EYS: variants seen among roughly 807,000 people sequenced by gnomAD.
EYS encodes the protein protein eyes shut homolog.
A neutral mutation model predicts 282.1 loss-of-function variants in EYS; 250 were observed. That is an observed-to-expected ratio of 0.89 (90% CI 0.80 to 0.98). EYS has a LOEUF of 0.98. Among genes scored for constraint, EYS ranks in the 50% least tolerant of loss-of-function variants. The probability of loss-of-function intolerance (pLI) is 0.00; values close to 1 mark genes in which losing one functional copy is unlikely to be tolerated. For synonymous variants in EYS, 1,355 were observed against 1,282.9 expected (o/e 1.06, Z -1.20); for missense variants, 4,016 against 3,709.0 (o/e 1.08, Z -2.15).
At chr6:64,747,847 CAA>C (rs1358684572) in intron 22 of EYS, among the ~76,000 whole-genome samples, 2 of 152,142 alleles carry the variant, frequency 1.3e-5, no homozygotes, top group African/African-American at 4.8e-5. Context: ...TTATCTTTTA[CAA>C]AGTCTCTCAA....
intron 30 of EYS, among the ~76,000 whole-genome samples, chr6:64,246,231 G>A (rs990477204): frequency 1.3e-5 from 2 of 150,226 alleles, no homozygotes; most frequent in East Asian, 3.9e-4. Context: ...TGTTTTATCG[G>A]CTGTAAGAAT....
intron 21 of EYS, among the ~76,000 whole-genome samples, chr6:64,818,281 G>A (rs747936089): frequency 4.6e-5 from 7 of 152,078 alleles, no homozygotes; most frequent in Non-Finnish European, 8.8e-5. Context: ...CATGGCATAT[G>A]TTCTCTCCCC....
intron 28 of EYS, among the ~76,000 whole-genome samples, chr6:64,423,536 T>C (rs1023554130): frequency 1.3e-5 from 2 of 152,202 alleles, no homozygotes; most frequent in Non-Finnish European, 2.9e-5. Context: ...GAGGAATCGC[T>C]TTCCTTTCAC....
intron 12 of EYS, among the ~76,000 whole-genome samples, chr6:65,278,810 A>G (rs1768136193): frequency 6.6e-6 from 1 of 152,136 alleles, no homozygotes. Context: ...ATTGAGTTTT[A>G]TTCAAATAGT....
chr6:64,220,035 G>A (rs1340053805), intron 31 of EYS, among the ~76,000 whole-genome samples: 1 of 152,132 alleles, frequency 6.6e-6, no homozygotes, highest in Non-Finnish European at 1.5e-5. Flanking sequence ...CTATTGTGGG[G>A]TGAGGGGGAG....
intron 22 of EYS, among the ~76,000 whole-genome samples, chr6:64,644,176 A>C (rs757317576): frequency 9.9e-5 from 15 of 152,168 alleles, no homozygotes; most frequent in Non-Finnish European, 1.9e-4. Flanking sequence ...AAGTCATTAT[A>C]TACAAGGGAG....
chr6:65,609,561 T>C (rs1285060776), intron 2 of EYS, among the ~76,000 whole-genome samples: 1 of 152,060 alleles, frequency 6.6e-6, no homozygotes, highest in Non-Finnish European at 1.5e-5. Context: ...TCACTTTTTA[T>C]TTCCTTTATT....
rs192790658 is a variant in EYS, at chr6:65,426,507, G to T, written c.863-21140C>A. Reference sequence around the variant, plus strand: ...TAAGAGGCAATGTGGTAAAATGTCTGCTAGACCTAAGCAGATTAATTTTCT... The same window carrying T: ...TAAGAGGCAATGTGGTAAAATGTCTTCTAGACCTAAGCAGATTAATTTTCT... On this transcript the variant is annotated intron_variant, in intron 5 of 42. Transcript: ENST00000503581. 5.9e-5 allele frequency among the ~76,000 whole-genome samples: 9 copies of T among 152,234 alleles called. 1 individual carries two copies. The highest frequency in any genetic ancestry group is 2.2e-4 in the African/African-American group (9 of 41,564).
intron 41 of EYS, among the ~76,000 whole-genome samples, chr6:63,736,168 T>C (rs571816675): frequency 2.6e-5 from 4 of 152,344 alleles, no homozygotes; most frequent in African/African-American, 9.6e-5. Context: ...CCCATGCCTA[T>C]GTCCTGAATG....
At chr6:64,411,769 G>A (rs1773898537) in intron 28 of EYS, among the ~76,000 whole-genome samples, 1 of 151,920 alleles carries the variant, frequency 6.6e-6, no homozygotes, top group Non-Finnish European at 1.5e-5. Context: ...ACCTCCTTGA[G>A]CCTAGGAGTT....
intron 16 of EYS, among the ~76,000 whole-genome samples, chr6:64,907,382 C>T (rs903170202): frequency 6.6e-6 from 1 of 152,050 alleles, no homozygotes; most frequent in Admixed American, 6.6e-5. Flanking sequence ...TGATTTCTAC[C>T]AGCTTGAAGT....
chr6:64,556,503 G>A (rs1765236253), intron 26 of EYS, among the ~76,000 whole-genome samples: 3 of 151,768 alleles, frequency 2.0e-5, no homozygotes, highest in Admixed American at 2.0e-4. Flanking sequence ...ACTACACAAA[G>A]GCATGAGGGA....
At chr6:65,688,314 C>T (rs1251860151) in intron 1 of EYS, among the ~76,000 whole-genome samples, 1 of 150,216 alleles carries the variant, frequency 6.7e-6, no homozygotes, top group Non-Finnish European at 1.5e-5. Context: ...ACAAGGCTGA[C>T]AAAAACAAGA....
At chr6:65,198,007 T>C (rs1455608414) in intron 12 of EYS, among the ~76,000 whole-genome samples, 3 of 152,180 alleles carry the variant, frequency 2.0e-5, no homozygotes, top group Admixed American at 1.3e-4. Flanking sequence ...TTACAATTTT[T>C]GGACTCTTTT....
intron 28 of EYS, among the ~76,000 whole-genome samples, chr6:64,398,820 A>G (rs749248251): frequency 2.0e-5 from 3 of 151,860 alleles, no homozygotes; most frequent in East Asian, 1.9e-4. Context: ...GAAAATATCA[A>G]TGATATTCCC....
intron 26 of EYS, among the ~76,000 whole-genome samples, chr6:64,506,847 T>G (rs1193287155): frequency 7.0e-6 from 1 of 143,322 alleles, no homozygotes; most frequent in African/African-American, 2.7e-5. Context: ...AGGCGGAGCT[T>G]GTAGTGAGCT....
At chr6:64,048,167 A>G (rs1770690599) in intron 33 of EYS, among the ~76,000 whole-genome samples, 1 of 152,130 alleles carries the variant, frequency 6.6e-6, no homozygotes, top group Non-Finnish European at 1.5e-5. Context: ...CAGCCTCCCA[A>G]AGTGCTGGGA....
chr6:64,649,824 T>C (rs1768494372), intron 22 of EYS, among the ~76,000 whole-genome samples: 1 of 152,190 alleles, frequency 6.6e-6, no homozygotes. Flanking sequence ...GGATTTTTAA[T>C]GTTTATAATA....
intron 13 of EYS, among the ~76,000 whole-genome samples, chr6:65,010,236 A>T (rs1238583279): frequency 6.6e-6 from 1 of 152,224 alleles, no homozygotes; most frequent in Non-Finnish European, 1.5e-5. Flanking sequence ...GGTTGGCCTC[A>T]TGGTTTACAG....
Sources: allele counts gnomAD v4.1 joint callset (sites outside exome capture counted in the v4.1 genomes callset), GRCh38; gene constraint gnomAD v4.1.1; transcripts MANE v1.5; gene names NCBI Gene and HGNC (gene_info 2026-07-23, HGNC 2026-07-21).